Variants in CCDC30 observed in about 807,000 individuals in gnomAD.
CCDC30 encodes coiled-coil domain-containing protein 30.
In CCDC30, 70 loss-of-function variants were observed where a neutral mutation model predicts 100.2. That is an observed-to-expected ratio of 0.70 (90% CI 0.58 to 0.85). The LOEUF is 0.85. Ranked by LOEUF, CCDC30 falls within the 40% of genes least tolerant of loss-of-function variation. The probability of loss-of-function intolerance (pLI) is 0.00; values close to 1 mark genes in which losing one functional copy is unlikely to be tolerated. For synonymous variants in CCDC30, 233 were observed against 269.5 expected, an observed-to-expected ratio of 0.86 and a Z score of 1.33; for missense variants, 652 against 771.2, an observed-to-expected ratio of 0.85 and a Z score of 1.83.
the CCDC30 span, chr1:42,456,403 GAAC>G: frequency 1.2e-6 from 1 of 814,116 alleles, no homozygotes. Flanking sequence ...CTCTGGGGCA[GAAC>G]AACTACGCAT....
intron 3 of CCDC30, 55 bp downstream of exon 3, chr1:42,482,871 C>A: frequency 2.0e-5 from 21 of 1,048,004 alleles, no homozygotes; most frequent in Non-Finnish European, 2.6e-5. Context: ...GTACTGATCT[C>A]ATCTCAGGGT....
At chr1:42,619,954 G>T (rs1258089264) in intron 11 of CCDC30, among the ~76,000 whole-genome samples, 1 of 152,200 alleles carries the variant, frequency 6.6e-6, no homozygotes, top group Non-Finnish European at 1.5e-5. Context: ...CCTTGGAGTA[G>T]TTCTTCCATA....
At chr1:42,601,413 G>A (rs1646402213) in intron 10 of CCDC30, among the ~76,000 whole-genome samples, 1 of 152,180 alleles carries the variant, frequency 6.6e-6, no homozygotes, top group African/African-American at 2.4e-5. Flanking sequence ...ATTTATCTCA[G>A]CCAAAGGAGA....
intron 6 of CCDC30, among the ~76,000 whole-genome samples, chr1:42,511,541 G>A (rs866904714): frequency 6.6e-6 from 1 of 152,240 alleles, no homozygotes; most frequent in Middle Eastern, 3.4e-3. Context: ...AAAGAACGTA[G>A]GGACCAAATG....
chr1:42,474,433 A>G (rs893728825), intron 1 of CCDC30, among the ~76,000 whole-genome samples: 4 of 152,216 alleles, frequency 2.6e-5, no homozygotes, highest in Non-Finnish European at 5.9e-5. Context: ...GATAGCTATT[A>G]TCATTAGAAA....
intron 11 of CCDC30, among the ~76,000 whole-genome samples, chr1:42,620,995 A>G (rs1557461993): frequency 6.6e-6 from 1 of 152,188 alleles, no homozygotes; most frequent in Non-Finnish European, 1.5e-5. Flanking sequence ...GCCATTGTCA[A>G]CCTAAAGGGA....
At chr1:42,578,672 T>C (rs1192655837) in intron 8 of CCDC30, among the ~76,000 whole-genome samples, 1 of 151,666 alleles carries the variant, frequency 6.6e-6, no homozygotes, top group Non-Finnish European at 1.5e-5. Flanking sequence ...AGTATAAATG[T>C]TTTAAAGATG....
intron 11 of CCDC30, among the ~76,000 whole-genome samples, chr1:42,634,196 G>A (rs1325099356): frequency 3.3e-5 from 5 of 150,918 alleles, no homozygotes; most frequent in African/African-American, 7.3e-5. Context: ...AGGAGGCTGA[G>A]GTGGGAGGAT....
chr1:42,506,147 G>T (rs1644391529), intron 6 of CCDC30, among the ~76,000 whole-genome samples: 1 of 152,126 alleles, frequency 6.6e-6, no homozygotes, highest in Non-Finnish European at 1.5e-5. Flanking sequence ...TAAAATAAAA[G>T]TTTCCTTGAC....
chr1:42,632,616 C>A (rs186725871), intron 11 of CCDC30, among the ~76,000 whole-genome samples: 2 of 147,958 alleles, frequency 1.4e-5, no homozygotes, highest in African/African-American at 5.0e-5. Context: ...CAAAATTAGC[C>A]GGGCGTGATG....
At chr1:42,589,251 C>A in intron 9 of CCDC30, 70 bp from the exon 14 acceptor site, 2 of 1,307,402 alleles carry the variant, frequency 1.5e-6, no homozygotes, top group Non-Finnish European at 1.0e-6. Context: ...CTTGTGATGC[C>A]ATAAAAATTT....
chr1:42,528,306 ACTT>A (rs926948111), intron 6 of CCDC30, among the ~76,000 whole-genome samples: 2 of 152,128 alleles, frequency 1.3e-5, no homozygotes, highest in African/African-American at 4.8e-5. Flanking sequence ...TTAAACTCTG[ACTT>A]CTTTTTTCTT....
chr1:42,536,638 A>T (rs1459553789), intron 6 of CCDC30, 37 bp downstream of exon 7: 5 of 1,403,066 alleles, frequency 3.6e-6, no homozygotes, highest in Non-Finnish European at 3.0e-6. Flanking sequence ...TTCTTCTTGT[A>T]GTTCTAATTT....
At chr1:42,535,934 G>A (rs543032435) in intron 6 of CCDC30, among the ~76,000 whole-genome samples, 6 of 150,398 alleles carry the variant, frequency 4.0e-5, no homozygotes, top group Admixed American at 6.7e-5. Context: ...AGTTAGACTT[G>A]ACTTAGAATT....
rs377749988 is a variant in CCDC30 at position 42,627,279 on chromosome 1, G to A, written c.1278-9958G>A. 1.6e-4 allele frequency among the ~76,000 whole-genome samples: 24 copies of A among 152,094 alleles called. No individual in the cohort carries two copies. In the South Asian group the frequency reaches 4.8e-3, roughly 30 times the overall value. On this transcript the variant is annotated intron_variant, in intron 11 of 16. Transcript: ENST00000668663. ...TTTGAACTTGAGAGAGATGATTTAG[G>A]GTATCTGGTGGAAGAAACCTCTAAA...
At chr1:42,553,652 TACACACACACACACACACACACACACAC>T (rs60429759) in intron 6 of CCDC30, among the ~76,000 whole-genome samples, 1 of 133,750 alleles carries the variant, frequency 7.5e-6, no homozygotes, top group Non-Finnish European at 1.6e-5. Flanking sequence ...TGAGATTCCA[TACACACACACACACACACACACACACAC>T]ACACACACAC....
At chr1:42,650,497 ATGTGTGTGTGTGTGTGTGTG>A (rs57051349) in intron 15 of CCDC30, among the ~76,000 whole-genome samples, 5 of 136,294 alleles carry the variant, frequency 3.7e-5, no homozygotes, top group African/African-American at 5.6e-5. Flanking sequence ...AAAAATATAT[ATGTGTGTGTGTGTGTGTGTG>A]TGTGTGTGTG....
downstream of CCDC30, chr1:42,654,254 A>G (rs1210853632): frequency 1.2e-5 from 6 of 496,242 alleles, no homozygotes; most frequent in Non-Finnish European, 2.1e-5. Context: ...CTTTAGTTCA[A>G]TGATTTATTT....
rs770018297 is a variant in CCDC30, at chr1:42,581,396, A to G, written c.883A>G (p.Lys295Glu). 8 of 1,612,016 alleles carry G rather than the reference A, an allele frequency of 5.0e-6. No individual in the cohort carries two copies. The highest frequency in any genetic ancestry group is 1.7e-5 in the Admixed American group (1 of 59,516). Reference sequence around the variant, plus strand: ...GCAGCGGAAATTAGAACATGCTCATAAAGTCTGTCTCACAGACACTTGTAT... The same window carrying G: ...GCAGCGGAAATTAGAACATGCTCATGAAGTCTGTCTCACAGACACTTGTAT... The change falls in exon 9 of 17, where the codon AAA becomes GAA. Residue 295 changes from lysine to glutamate, a missense_variant. Lys to Glu is a moderately conservative substitution (Grantham distance 56). Transcript: ENST00000668663.
Sources: gnomAD v4.1 joint callset for allele counts (sites outside exome capture counted in the v4.1 genomes callset) on GRCh38, gnomAD v4.1.1 for gene constraint, MANE v1.5 for transcripts, NCBI Gene and HGNC (gene_info 2026-07-23, HGNC 2026-07-21) for gene names.